EPB41L5: variants seen among roughly 807,000 people sequenced by gnomAD.
EPB41L5 encodes the protein erythrocyte membrane protein band 4.1 like 5, also known as band 4.1-like protein 5.
A neutral mutation model predicts 106.6 loss-of-function variants in EPB41L5; 55 were observed. That is an observed-to-expected ratio of 0.52 (90% CI 0.42 to 0.65). EPB41L5 has a LOEUF of 0.65. EPB41L5 is among the 30% of genes least tolerant of loss of function. The pLI is 0.00. For missense variants in EPB41L5, 871 were observed against 882.1 expected (o/e 0.99, Z 0.16); for synonymous variants, 297 against 306.7 (o/e 0.97, Z 0.33).
At chr2:120,168,390 T>C (rs1017222587) in intron 24 of EPB41L5, among the ~76,000 whole-genome samples, 1 of 152,194 alleles carries the variant, frequency 6.6e-6, no homozygotes, top group Non-Finnish European at 1.5e-5. Context: ...GTGGGTAAGT[T>C]AGGATACTCC....
chr2:120,061,969 C>A (rs1681115100), intron 3 of EPB41L5, among the ~76,000 whole-genome samples: 4 of 151,946 alleles, frequency 2.6e-5, no homozygotes, highest in African/African-American at 9.7e-5. Flanking sequence ...CTCACTAGCT[C>A]TCCATTTTTT....
chr2:120,155,881 G>A (rs4849831), intron 20 of EPB41L5, among the ~76,000 whole-genome samples: 96,536 of 151,684 alleles, frequency 0.64, 32,049 homozygotes, highest in Middle Eastern at 0.75. Flanking sequence ...GGCCCCCAGC[G>A]ACTCCAAGGG....
chr2:120,141,155 G>C (rs1383117418), intron 18 of EPB41L5, among the ~76,000 whole-genome samples: 1 of 152,078 alleles, frequency 6.6e-6, no homozygotes, highest in Admixed American at 6.6e-5. Context: ...TGTTGGTTCA[G>C]TTCTAAAAAT....
chr2:120,031,950 A>G (rs1328984991), intron 2 of EPB41L5, among the ~76,000 whole-genome samples: 1 of 152,166 alleles, frequency 6.6e-6, no homozygotes, highest in Non-Finnish European at 1.5e-5. Context: ...AGCCTGTCCA[A>G]TGTAGCCAGA....
intron 13 of EPB41L5, among the ~76,000 whole-genome samples, chr2:120,092,011 TA>T (rs1302256945): frequency 5.5e-3 from 11 of 2,002 alleles, no homozygotes; most frequent in South Asian, 0.056. Flanking sequence ...AAAACATTTT[TA>T]TTTATTTATT....
At chr2:120,019,619 T>C (rs1052185440) in intron 2 of EPB41L5, among the ~76,000 whole-genome samples, 3 of 152,246 alleles carry the variant, frequency 2.0e-5, no homozygotes, top group Admixed American at 6.5e-5. Flanking sequence ...ATTAAAACGT[T>C]GTGAATCTTT....
intron 14 of EPB41L5, among the ~76,000 whole-genome samples, chr2:120,096,727 T>TTGCAC (rs1331133459): frequency 6.6e-6 from 1 of 152,082 alleles, no homozygotes; most frequent in Non-Finnish European, 1.5e-5. Context: ...GAGTCGGAGG[T>TTGCAC]TGCACTGAGC....
At chr2:120,062,341 A>G (rs770364028) in intron 3 of EPB41L5, among the ~76,000 whole-genome samples, 4 of 152,232 alleles carry the variant, frequency 2.6e-5, no homozygotes, top group Non-Finnish European at 5.9e-5. Context: ...GAGTAAGTCT[A>G]GAAAAGGATG....
intron 14 of EPB41L5, among the ~76,000 whole-genome samples, chr2:120,096,352 A>G (rs1326256519): frequency 6.6e-6 from 1 of 152,212 alleles, no homozygotes; most frequent in Non-Finnish European, 1.5e-5. Context: ...AAATAAATAA[A>G]TAAATATAAC....
intron 14 of EPB41L5, 93 bp downstream of exon 14, chr2:120,093,369 T>G (rs754900454): frequency 9.6e-7 from 1 of 1,042,956 alleles, no homozygotes; most frequent in Non-Finnish European, 1.5e-6. Flanking sequence ...TATCAAAATG[T>G]CAAGTTGTCC....
At chr2:120,173,395 T>G (rs1687775137) in intron 24 of EPB41L5, among the ~76,000 whole-genome samples, 1 of 152,160 alleles carries the variant, frequency 6.6e-6, no homozygotes, top group Admixed American at 6.5e-5. Flanking sequence ...TGGAGACAGG[T>G]TTGTTTAAAC....
chr2:120,091,961 C>G (rs773201869), intron 13 of EPB41L5, among the ~76,000 whole-genome samples: 11 of 152,046 alleles, frequency 7.2e-5, no homozygotes, highest in Non-Finnish European at 1.5e-4. Context: ...ACTTACAGAT[C>G]TCATTCTAAA....
intron 2 of EPB41L5, among the ~76,000 whole-genome samples, chr2:120,031,480 A>G (rs1009197743): frequency 6.6e-6 from 1 of 152,214 alleles, no homozygotes; most frequent in Non-Finnish European, 1.5e-5. Flanking sequence ...ACTGGTGTAG[A>G]TACAGATGAC....
chr2:120,164,671 G>C lies in EPB41L5; in HGVS notation c.1888-165G>C, dbSNP rs1409057092. Among the ~76,000 whole-genome samples, 8 of 152,184 alleles carry C rather than the reference G, an allele frequency of 5.3e-5. No homozygotes were observed. In the East Asian group the frequency reaches 1.3e-3, roughly 26 times the overall value. ...TGTAGTATAGGTTTCCCTCCATGCA[G>C]AAGTGGAATCATTAACAACCATGAT... On this transcript the variant is annotated intron_variant, in intron 21 of 24. Coordinates refer to ENST00000263713, the MANE Select transcript of EPB41L5 (RefSeq NM_020909.4).
chr2:120,160,222 A>AG (rs1687083838), intron 20 of EPB41L5, among the ~76,000 whole-genome samples: 1 of 152,212 alleles, frequency 6.6e-6, no homozygotes, highest in Admixed American at 6.5e-5. Flanking sequence ...TTAAAAAAAA[A>AG]TTATACTTTT....
At chr2:120,084,770 C>T (rs1481674727) in intron 10 of EPB41L5, among the ~76,000 whole-genome samples, 4 of 152,274 alleles carry the variant, frequency 2.6e-5, no homozygotes, top group Non-Finnish European at 4.4e-5. Context: ...ACCAATCAGA[C>T]GTAGATTTGG....
chr2:120,110,741 T>A (rs980327530), intron 16 of EPB41L5, among the ~76,000 whole-genome samples: 22 of 151,776 alleles, frequency 1.4e-4, no homozygotes, highest in African/African-American at 5.3e-4. Context: ...TTTCAGCAAT[T>A]CTCCAGCCTC....
chr2:120,071,851 A>G (rs919922449), intron 3 of EPB41L5, among the ~76,000 whole-genome samples: 4 of 152,232 alleles, frequency 2.6e-5, no homozygotes, highest in African/African-American at 7.2e-5. Context: ...AGGCAGTACC[A>G]TGCAGGACAT....
intron 9 of EPB41L5, among the ~76,000 whole-genome samples, chr2:120,077,954 C>T (rs1048879347): frequency 6.6e-6 from 1 of 151,636 alleles, no homozygotes; most frequent in Non-Finnish European, 1.5e-5. Context: ...CTGTACATGG[C>T]TGGCAGGAGG....
Sources: allele counts gnomAD v4.1 joint callset (sites outside exome capture counted in the v4.1 genomes callset), GRCh38; gene constraint gnomAD v4.1.1; transcripts MANE v1.5; gene names NCBI Gene and HGNC (gene_info 2026-07-23, HGNC 2026-07-21).